RASL11A: variants seen among roughly 807,000 people sequenced by gnomAD.
The protein encoded by RASL11A is ras-like protein family member 11A.
RASL11A carries 14 observed loss-of-function variants against 17.1 expected under a neutral mutation model. The observed-to-expected ratio is 0.82, with a 90% CI of 0.54 to 1.28. The LOEUF (loss-of-function observed/expected upper bound fraction) is 1.28. Among genes scored for constraint, RASL11A ranks in the 50% most tolerant of loss-of-function variants. RASL11A has a pLI of 0.00. For synonymous variants in RASL11A, 146 were observed against 132.5 expected, an observed-to-expected ratio of 1.10 and a Z score of -0.70; for missense variants, 283 against 312.3, an observed-to-expected ratio of 0.91 and a Z score of 0.71.
At chr13:27,272,426 C>T (rs992957718) in intron 3 of RASL11A, among the ~76,000 whole-genome samples, 5 of 152,198 alleles carry the variant, frequency 3.3e-5, no homozygotes, top group African/African-American at 1.2e-4. Flanking sequence ...AGCCACAGCG[C>T]CCGGCCCAAG....
chr13:27,272,645 T>C (rs1030873169), intron 3 of RASL11A, among the ~76,000 whole-genome samples: 1 of 152,136 alleles, frequency 6.6e-6, no homozygotes, highest in African/African-American at 2.4e-5. Flanking sequence ...AAAAATGTTT[T>C]TATGAGTTTG....
At chr13:27,272,170 A>G (rs755420555) in intron 3 of RASL11A, among the ~76,000 whole-genome samples, 35 of 152,208 alleles carry the variant, frequency 2.3e-4, no homozygotes, top group Admixed American at 3.9e-4. Flanking sequence ...GCTGGAGTGC[A>G]GTGGCTGGAT....
rs777406090 is a variant in RASL11A, at chr13:27,273,349, A to T, written c.584A>T (p.Glu195Val). 1.2e-6 allele frequency: 2 copies of T among 1,614,228 alleles called. No homozygotes were observed. The highest frequency in any genetic ancestry group is 2.2e-5 in the South Asian group (2 of 91,086). The change falls in exon 4 of 4, where the codon GAA becomes GTA. Residue 195 changes from glutamate to valine, a missense_variant. Physicochemically the swap from Glu to Val is moderately radical, Grantham distance 121. Coordinates refer to ENST00000241463, the MANE Select transcript of RASL11A (RefSeq NM_206827.2). ...VCDVFQHLCK[E>V]VSKMHGLSGE... Reference sequence around the variant, plus strand: ...GATGTGTTTCAGCATCTCTGCAAAGAAGTGAGCAAGATGCACGGCCTCAGT... The same window carrying T: ...GATGTGTTTCAGCATCTCTGCAAAGTAGTGAGCAAGATGCACGGCCTCAGT...
At position 27,270,868 on chromosome 13, in the gene RASL11A, C is replaced by T. The variant is rs914434774; in HGVS notation, c.-77C>T. ...GGTCCCGGACCTCTAGTCCCGCACT[C>T]CCAGCTGGCGAGCCGGCTCCGGGTG... On this transcript the variant is annotated 5_prime_UTR_variant, in exon 1 of 4. Coordinates refer to ENST00000241463, the MANE Select transcript of RASL11A (RefSeq NM_206827.2). The T allele has an allele frequency of 1.3e-6, 2 of 1,527,888 alleles. No homozygotes were observed. Among genetic ancestry groups the T allele is most frequent in the East Asian group, 2.5e-5 (1 of 39,776 alleles). 94.6% of individuals were successfully genotyped at this position (1,527,888 alleles called of 1,614,324 possible). A position where few individuals can be genotyped will look rare whatever the true frequency, so the allele number is the denominator to read the frequency against.
rs772681195 is a variant in RASL11A, at chr13:27,273,159, C to T, written c.394C>T (p.Arg132Trp). The T allele has an allele frequency of 6.2e-6, 10 of 1,614,096 alleles. No homozygotes were observed. Among genetic ancestry groups the T allele is most frequent in the African/African-American group, 1.3e-5 (1 of 74,936 alleles). The stretch of plus-strand genomic sequence containing the variant: ...CATCCGACCCCTTTATCAGCACATC[C>T]GGAAGGTCCACCCTGACTCTAAAGC... ...LSIRPLYQHI[R>W]KVHPDSKAPV... Residue 132 changes from arginine (R) to tryptophan (W), a missense_variant, in exon 4 of 4, where the codon CGG becomes TGG. Coordinates refer to ENST00000241463, the MANE Select transcript of RASL11A (RefSeq NM_206827.2).
rs1882396862 is a variant in RASL11A at position 27,273,991 on chromosome 13, T to C, written c.*497T>C. Among the ~76,000 whole-genome samples the C allele has an allele frequency of 1.3e-5, 2 of 152,100 alleles. No individual in the cohort carries two copies. The highest frequency in any genetic ancestry group is 6.5e-5 in the Admixed American group (1 of 15,272). The stretch of plus-strand genomic sequence containing the variant: ...TGGGACACTGCCACCAGTCATGAAA[T>C]TGACACTGTGTGATTTTCAAGGGAA... On this transcript the variant is annotated 3_prime_UTR_variant, in exon 4 of 4. Coordinates refer to ENST00000241463, the MANE Select transcript of RASL11A (RefSeq NM_206827.2).
In RASL11A at chr13:27,271,034, G is replaced by A. The variant is rs374115045; in HGVS notation, c.90G>A (p.Leu30=). Residue 30 remains leucine (L), a synonymous_variant, in exon 1 of 4, where the codon CTG becomes CTA. Coordinates refer to ENST00000241463, the MANE Select transcript of RASL11A (RefSeq NM_206827.2). Reference sequence around the variant, plus strand: ...ACCTACTGCCCAAGGACATCAAACTGGCGGTGCTGGGCGCCGGCCGCGTGG... The same window carrying A: ...ACCTACTGCCCAAGGACATCAAACTAGCGGTGCTGGGCGCCGGCCGCGTGG... ...SDYLLPKDIK[L]AVLGAGRVGK... 1.3e-4 allele frequency: 202 copies of A among 1,583,090 alleles called. 1 individual carries two copies. Among genetic ancestry groups the A allele is most frequent in the Non-Finnish European group, 1.6e-4 (188 of 1,164,626 alleles).
rs571174950 is a variant in RASL11A, at chr13:27,273,528, C to T, written c.*34C>T. 2.2e-5 allele frequency: 33 copies of T among 1,505,460 alleles called. No homozygotes were observed. The highest frequency in any genetic ancestry group is 1.0e-4 in the South Asian group (9 of 86,560). The allele number at this position is 1,505,460 out of a possible 1,614,324, so 93.3% of individuals were successfully genotyped here. A position where few individuals can be genotyped will look rare whatever the true frequency, so the allele number is the denominator to read the frequency against. On this transcript the variant is annotated 3_prime_UTR_variant, in exon 4 of 4. Transcript: ENST00000241463. The stretch of plus-strand genomic sequence containing the variant: ...AGACAGATGCCTCTCCTTTTTAATA[C>T]GCATTTGTGCAGCTAAAAGACTGGG...
At position 27,270,937 on chromosome 13, in the gene RASL11A, C is replaced by G. The variant is rs1181564368; in HGVS notation, c.-8C>G. The stretch of plus-strand genomic sequence containing the variant: ...TCGGATTGCGCGCCGGACCCCGGGA[C>G]GCGCTCCATGCGGCCGCTCAGCATG... On this transcript the variant is annotated 5_prime_UTR_variant, in exon 1 of 4. Coordinates refer to ENST00000241463, the MANE Select transcript of RASL11A (RefSeq NM_206827.2). 4 of 1,586,174 alleles carry G rather than the reference C, an allele frequency of 2.5e-6. No individual in the cohort carries two copies. The highest frequency in any genetic ancestry group is 3.4e-6 in the Non-Finnish European group (4 of 1,167,278).
At chr13:27,271,186 C>A (rs1882270935) in intron 1 of RASL11A, 118 bp downstream of exon 1, 7 of 1,465,216 alleles carry the variant, frequency 4.8e-6, no homozygotes, top group South Asian at 1.4e-5. Flanking sequence ...CAGGTAGAAT[C>A]GGGCTGCTTT....
In RASL11A at chr13:27,270,969, C is replaced by G. The variant is rs1235486485; in HGVS notation, c.25C>G (p.His9Asp). Reference sequence around the variant, plus strand: ...CATGCGGCCGCTCAGCATGTCCGGGCACTTTCTGCTCGCACCCATCCCCGA... The same window carrying G: ...CATGCGGCCGCTCAGCATGTCCGGGGACTTTCTGCTCGCACCCATCCCCGA... MRPLSMSGHFLLAPIPESS... is the reference protein window; with the variant it reads MRPLSMSGDFLLAPIPESS... Residue 9 changes from histidine to aspartate, a missense_variant, in exon 1 of 4, where the codon CAC (histidine) becomes GAC (aspartate). Coordinates refer to ENST00000241463, the MANE Select transcript of RASL11A (RefSeq NM_206827.2). The G allele has an allele frequency of 6.3e-7, 1 of 1,597,372 alleles. No individual in the cohort carries two copies. The highest frequency in any genetic ancestry group is 8.5e-7 in the Non-Finnish European group (1 of 1,172,616).
rs369975562 is a variant in RASL11A at position 27,273,188 on chromosome 13, T to G, written c.423T>G (p.Pro141=). ...AGGTCCACCCTGACTCTAAAGCCCC[T>G]GTCATCATCGTGGGCAACAAGGGGG... ...IRKVHPDSKA[P]VIIVGNKGDL... Residue 141 remains proline (P), a synonymous_variant, in exon 4 of 4, where the codon CCT becomes CCG. Coordinates refer to ENST00000241463, the MANE Select transcript of RASL11A (RefSeq NM_206827.2). The G allele has an allele frequency of 1.9e-5, 30 of 1,614,190 alleles. 1 individual carries two copies. In the African/African-American group the frequency reaches 2.3e-4, roughly 12 times the overall value.
intron 1 of RASL11A, 184 bp downstream of exon 1, chr13:27,271,252 A>T: frequency 1.4e-6 from 2 of 1,447,544 alleles, no homozygotes; most frequent in Non-Finnish European, 1.8e-6. Flanking sequence ...TTCCTGGTGC[A>T]TCTACTCCTG....
chr13:27,270,844 G>C lies in RASL11A; in HGVS notation c.-101G>C. 1 of 1,468,714 alleles carries C rather than the reference G, an allele frequency of 6.8e-7. No homozygotes were observed. The highest frequency in any genetic ancestry group is 9.1e-7 in the Non-Finnish European group (1 of 1,093,822). The allele number at this position is 1,468,714 out of a possible 1,614,324, so 91.0% of individuals were successfully genotyped here. A position where few individuals can be genotyped will look rare whatever the true frequency, so the allele number is the denominator to read the frequency against. On this transcript the variant is annotated 5_prime_UTR_variant, in exon 1 of 4. Coordinates refer to ENST00000241463, the MANE Select transcript of RASL11A (RefSeq NM_206827.2). Reference sequence around the variant, plus strand: ...GACAGTTCTGCAGGCAGCCGCCGCGGTCCCGGACCTCTAGTCCCGCACTCC... The same window carrying C: ...GACAGTTCTGCAGGCAGCCGCCGCGCTCCCGGACCTCTAGTCCCGCACTCC...
intron 3 of RASL11A, among the ~76,000 whole-genome samples, chr13:27,272,390 C>T (rs1882322108): frequency 6.6e-6 from 1 of 152,204 alleles, no homozygotes; most frequent in Non-Finnish European, 1.5e-5. Flanking sequence ...ACCTCGGCCT[C>T]CCAAAGTGGT....
rs1231453491 is a variant in RASL11A, at chr13:27,273,489, G to A, written c.724G>A (p.Gly242Arg). The A allele has an allele frequency of 1.9e-6, 3 of 1,612,922 alleles. No individual in the cohort carries two copies. The highest frequency in any genetic ancestry group is 2.5e-6 in the Non-Finnish European group (3 of 1,179,390). ...SPKVKAPSAL[G>R] ...CAAAGTCAAAGCCCCCTCTGCACTG[G>A]GGTGAACTATCTCAGACAGATGCCT... The change falls in exon 4 of 4, where the codon GGG (glycine) becomes AGG (arginine). Residue 242 changes from glycine (G) to arginine (R), a missense_variant. By Grantham distance (125) the Gly-to-Arg change is moderately radical (BLOSUM62 -2). Coordinates refer to ENST00000241463, the MANE Select transcript of RASL11A (RefSeq NM_206827.2).
At chr13:27,271,767 C>G (rs1372130414) in intron 3 of RASL11A, 49 bp downstream of exon 3, 8 of 1,481,862 alleles carry the variant, frequency 5.4e-6, no homozygotes, top group Non-Finnish European at 6.5e-6. Flanking sequence ...TGAGACCACC[C>G]CAGTGGGCAC....
chr13:27,271,637 A>C lies in RASL11A; in HGVS notation c.182-2A>C. 6.2e-7 allele frequency: 1 copy of C among 1,614,118 alleles called. No individual in the cohort carries two copies. The highest frequency in any genetic ancestry group is 1.1e-5 in the South Asian group (1 of 91,080). The stretch of plus-strand genomic sequence containing the variant: ...AAAAGCAAACTCTACTTCATTCTCC[A>C]GGCAAGCTGTATTCACGGCTGGTCT... On this transcript the variant is annotated splice_acceptor_variant, in intron 2 of 3. Coordinates refer to ENST00000241463, the MANE Select transcript of RASL11A (RefSeq NM_206827.2). LOFTEE classifies it high-confidence loss of function.
intron 3 of RASL11A, 44 bp from the exon 4 acceptor site, chr13:27,272,983 A>C: frequency 6.6e-7 from 1 of 1,524,760 alleles, no homozygotes; most frequent in Non-Finnish European, 9.1e-7. Context: ...TTTATCTCCC[A>C]CTGAGGGTTT....
Sources: allele counts gnomAD v4.1 joint callset (sites outside exome capture counted in the v4.1 genomes callset), GRCh38; gene constraint gnomAD v4.1.1; transcripts MANE v1.5; gene names NCBI Gene and HGNC (gene_info 2026-07-23, HGNC 2026-07-21).